Variants in DSG2 observed in about 807,000 individuals in gnomAD.
DSG2 encodes the protein desmoglein 2.
In DSG2, 45 loss-of-function variants were observed where a neutral mutation model predicts 75.6. The observed-to-expected ratio is 0.60, with a 90% CI of 0.47 to 0.76. The LOEUF is 0.76. Among genes scored for constraint, DSG2 ranks in the 30% least tolerant of loss-of-function variants. The pLI is 0.00. For synonymous variants in DSG2, 429 were observed against 483.9 expected (o/e 0.89, Z 1.49); for missense variants, 1,267 against 1,357.4 (o/e 0.93, Z 1.05).
intron 6 of DSG2, 76 bp downstream of exon 6, chr18:31,522,325 T>G: frequency 7.0e-7 from 1 of 1,428,508 alleles, no homozygotes. Flanking sequence ...TCTTTTCTAA[T>G]TTTCTTATTT....
chr18:31,517,260 T>C (rs1330655598), intron 1 of DSG2, among the ~76,000 whole-genome samples: 3 of 152,010 alleles, frequency 2.0e-5, no homozygotes, highest in Non-Finnish European at 4.4e-5. Flanking sequence ...ATCCAGAAAC[T>C]GGGAAAGGTA....
intron 1 of DSG2, among the ~76,000 whole-genome samples, chr18:31,514,447 A>G (rs1449846917): frequency 6.6e-6 from 1 of 152,210 alleles, no homozygotes; most frequent in Admixed American, 6.5e-5. Flanking sequence ...CATTAATGAA[A>G]TATATTTTAT....
chr18:31,522,029 G>A (rs2073130861), intron 5 of DSG2, 54 bp from the exon 6 acceptor site: 2 of 1,533,936 alleles, frequency 1.3e-6, no homozygotes, highest in East Asian at 2.3e-5. Flanking sequence ...AAAATAACAG[G>A]TAAATATGCT....
In DSG2 at chr18:31,506,229, G is replaced by A. The variant is rs113427584; in HGVS notation, c.45+7933G>A. On this transcript the variant is annotated intron_variant, in intron 1 of 14. Transcript: ENST00000261590. ...TCTGTCAACCCAGAGGCATCATCGT[G>A]AATTCCCCTTACAGCAGTTTGCTAC... Among the ~76,000 whole-genome samples, 745 of 152,234 alleles carry A rather than the reference G, an allele frequency of 4.9e-3. 6 individuals are homozygous for A. The highest frequency in any genetic ancestry group is 0.017 in the African/African-American group (724 of 41,524).
At chr18:31,520,709 T>A (rs2073122432) in intron 3 of DSG2, 94 bp from the exon 4 acceptor site, 1 of 1,320,246 alleles carries the variant, frequency 7.6e-7, no homozygotes, top group African/African-American at 1.5e-5. Flanking sequence ...TACCTGTAAA[T>A]TATAGAGAAT....
At chr18:31,499,384 GTGTC>G (rs2073002449) in intron 1 of DSG2, among the ~76,000 whole-genome samples, 1 of 144,782 alleles carries the variant, frequency 6.9e-6, no homozygotes, top group African/African-American at 2.6e-5. Flanking sequence ...GTGTGTGTGT[GTGTC>G]TCAAAACGGA....
chr18:31,507,751 TCACC>T (rs1474445039), intron 1 of DSG2, among the ~76,000 whole-genome samples: 1 of 152,214 alleles, frequency 6.6e-6, no homozygotes, highest in East Asian at 1.9e-4. Flanking sequence ...TTCATATCCT[TCACC>T]CACCTTTTGA....
In DSG2 at chr18:31,498,431, G is replaced by T. The variant is rs566149803; in HGVS notation, c.45+135G>T. 1,097 of 1,002,066 alleles carry T rather than the reference G, an allele frequency of 1.1e-3. 3 individuals are homozygous for T. Among genetic ancestry groups the T allele is most frequent in the Admixed American group, 1.4e-3 (33 of 23,052 alleles). 62.1% of individuals were successfully genotyped at this position (1,002,066 alleles called of 1,614,324 possible). On this transcript the variant is annotated intron_variant, in intron 1 of 14. Transcript: ENST00000261590. ...CGGCGCTCCTTCCTGCTGCCCGAGG[G>T]GGGAAAAGGGCCGGGCAGGCTGCGG...
chr18:31,523,791 ACAGT>A (rs2073143861), intron 6 of DSG2, among the ~76,000 whole-genome samples: 1 of 152,226 alleles, frequency 6.6e-6, no homozygotes, highest in Non-Finnish European at 1.5e-5. Context: ...CATGTCCAAC[ACAGT>A]CAGTAAGTGA....
At chr18:31,543,039 T>A (rs1215596982) in intron 14 of DSG2, 187 bp downstream of exon 14, 6 of 538,294 alleles carry the variant, frequency 1.1e-5, no homozygotes, top group Non-Finnish European at 1.9e-5. Flanking sequence ...TCAGTCGGTG[T>A]TAGCTAAATT....
rs990873851 is a variant in DSG2, at chr18:31,541,065, G to C, written c.1880-128G>C. ...TAAGGTTGGATCAGGGTGAAGAAAA[G>C]AAAAATAGAGCTGTAAATAAGTGAA... On this transcript the variant is annotated intron_variant, in intron 12 of 14. Transcript: ENST00000261590. 1.4e-5 allele frequency: 17 copies of C among 1,258,788 alleles called. 1 individual carries two copies. Among genetic ancestry groups the C allele is most frequent in the Admixed American group, 3.8e-5 (2 of 52,984 alleles). 78.0% of individuals were successfully genotyped at this position (1,258,788 alleles called of 1,614,324 possible).
intron 1 of DSG2, among the ~76,000 whole-genome samples, 198 bp from the exon 2 acceptor site, chr18:31,518,041 G>A (rs148908379): frequency 1.3e-5 from 2 of 152,284 alleles, no homozygotes; most frequent in African/African-American, 4.8e-5. Flanking sequence ...GGATCCAGGA[G>A]AATATAGATT....
intron 14 of DSG2, among the ~76,000 whole-genome samples, chr18:31,544,104 G>C (rs62095226): frequency 0.22 from 33,455 of 151,968 alleles, 4,518 homozygotes; most frequent in East Asian, 0.5. Context: ...TGATCTATCA[G>C]TAAATGAAAG....
intron 11 of DSG2, among the ~76,000 whole-genome samples, chr18:31,537,546 A>G (rs1791176): frequency 0.46 from 69,593 of 151,330 alleles, 16,990 homozygotes; most frequent in East Asian, 0.68. Context: ...ATGAACCCAG[A>G]AGGCAGAGCT....
Position 31,538,764 on chromosome 18 carries a change from G to C in DSG2, c.1665G>C (p.Leu555=). The C allele has an allele frequency of 1.9e-6, 3 of 1,614,142 alleles. No homozygotes were observed. Among genetic ancestry groups the C allele is most frequent in the Non-Finnish European group, 2.5e-6 (3 of 1,180,014 alleles). Residue 555 remains leucine (L), a synonymous_variant, in exon 12 of 15, where the codon CTG becomes CTC. Transcript: ENST00000261590. ...KIARQESTSV[L]LQQSEKKLGR... is the part of the protein sequence containing the mutation. ...CCAACCTTGTAGGTACCAGTGTGCT[G>C]CTGCAACAAAGTGAGAAAAAGCTTG...
In DSG2 at chr18:31,546,469, G is replaced by A. The variant is rs576470728; in HGVS notation, c.3083G>A (p.Gly1028Asp). The A allele has an allele frequency of 3.1e-6, 5 of 1,614,126 alleles. No individual in the cohort carries two copies. In the South Asian group the frequency reaches 4.4e-5, roughly 14 times the overall value. The change falls in exon 15 of 15, where the codon GGT becomes GAT. Residue 1028 changes from glycine to aspartate, a missense_variant. Transcript: ENST00000261590. ...ERESFLAPSSGVQPTLAMPNI... is the reference protein window; with the variant it reads ...ERESFLAPSSDVQPTLAMPNI... ...GAGAGCTTCCTTGCCCCCAGCTCAG[G>A]TGTGCAGCCTACTCTGGCCATGCCT...
chr18:31,542,753 G>A lies in DSG2; in HGVS notation c.2235G>A (p.Thr745=), dbSNP rs759572082. The A allele has an allele frequency of 5.9e-5, 95 of 1,613,856 alleles. No individual in the cohort carries two copies. The highest frequency in any genetic ancestry group is 7.2e-5 in the Non-Finnish European group (85 of 1,179,972). ...GCGCTATCATGACCACTGAAACCAC[G>A]AAGACCGCAAGGGCCACAGGGGCTT... ...ATGAIMTTET[T]KTARATGASR... is the part of the protein sequence containing the mutation. Residue 745 remains threonine, a synonymous_variant, in exon 14 of 15, where the codon ACG becomes ACA. Transcript: ENST00000261590.
chr18:31,538,684 G>A, intron 11 of DSG2, 67 bp from the exon 12 acceptor site: 1 of 1,258,686 alleles, frequency 7.9e-7, no homozygotes, highest in Non-Finnish European at 1.2e-6. Flanking sequence ...AACATTTGTG[G>A]AATTTAATGT....
At chr18:31,509,297 G>T (rs1174566454) in intron 1 of DSG2, among the ~76,000 whole-genome samples, 1 of 152,176 alleles carries the variant, frequency 6.6e-6, no homozygotes, top group Admixed American at 6.5e-5. Context: ...GTTACATTCA[G>T]ATTAGCCCAA....
Sources: allele counts gnomAD v4.1 joint callset (sites outside exome capture counted in the v4.1 genomes callset), GRCh38; gene constraint gnomAD v4.1.1; transcripts MANE v1.5; gene names NCBI Gene and HGNC (gene_info 2026-07-23, HGNC 2026-07-21).